Variants in RTKN2 observed in about 807,000 individuals in gnomAD.
RTKN2 encodes rhotekin-2.
RTKN2 carries 69 observed loss-of-function variants against 71.5 expected under a neutral mutation model. That is an observed-to-expected ratio of 0.96 (90% confidence interval 0.79 to 1.18). The LOEUF (loss-of-function observed/expected upper bound fraction) is 1.18, where lower values mean the gene tolerates loss of function less well. Ranked by LOEUF, RTKN2 falls within the 50% of genes most tolerant of loss-of-function variation. RTKN2 has a pLI of 0.00. For missense variants in RTKN2, 724 were observed against 719.7 expected (o/e 1.01, Z -0.07); for synonymous variants, 236 against 236.5 (o/e 1.00, Z 0.02).
intron 10 of RTKN2, among the ~76,000 whole-genome samples, chr10:62,204,010 C>T (rs1016581892): frequency 9.9e-5 from 15 of 152,128 alleles, no homozygotes; most frequent in African/African-American, 2.4e-4. Context: ...AACAGAATTC[C>T]TAAAATGTCT....
rs776849661 is a variant in RTKN2, at chr10:62,195,051, A to G, written c.*2857T>C. The G allele has an allele frequency of 2.4e-5, 24 of 984,924 alleles. No individual in the cohort carries two copies. The highest frequency in any genetic ancestry group is 2.9e-5 in the Non-Finnish European group (24 of 829,452). The allele number at this position is 984,924 out of a possible 1,614,324, so 61.0% of individuals were successfully genotyped here. On this transcript the variant is annotated 3_prime_UTR_variant, in exon 12 of 12. Transcript: ENST00000373789. Reference sequence around the variant, plus strand: ...TAAAAATGCCTTCTTTGCCCTTGCAAGATATTAAAATACAAAAGTTACCAC... The same window carrying G: ...TAAAAATGCCTTCTTTGCCCTTGCAGGATATTAAAATACAAAAGTTACCAC...
chr10:62,197,835 A>G lies in RTKN2; in HGVS notation c.*73T>C. On this transcript the variant is annotated 3_prime_UTR_variant, in exon 12 of 12. Transcript: ENST00000373789. Reference sequence around the variant, plus strand: ...ACTATATTTACCTATATAATTACACATTATTCTATAATGCCTCTGAATTAA... The same window carrying G: ...ACTATATTTACCTATATAATTACACGTTATTCTATAATGCCTCTGAATTAA... 1.3e-6 allele frequency: 2 copies of G among 1,481,868 alleles called. No individual in the cohort carries two copies. The highest frequency in any genetic ancestry group is 1.4e-5 in the South Asian group (1 of 71,000). The allele number at this position is 1,481,868 out of a possible 1,614,324, so 91.8% of individuals were successfully genotyped here. A position where few individuals can be genotyped will look rare whatever the true frequency, so the allele number is the denominator to read the frequency against.
At chr10:62,255,826 A>G (rs12253102) in intron 2 of RTKN2, among the ~76,000 whole-genome samples, 315 of 152,346 alleles carry the variant, frequency 2.1e-3, no homozygotes, top group African/African-American at 7.2e-3. Context: ...TATTGCATCA[A>G]TTGGGAGCAT....
chr10:62,215,151 T>C (rs1251690921), intron 9 of RTKN2: 12 of 1,050,972 alleles, frequency 1.1e-5, no homozygotes, highest in Non-Finnish European at 1.5e-5. Flanking sequence ...TTCTATGGTA[T>C]AAAATATAAG....
chr10:62,238,034 A>G lies in RTKN2; in HGVS notation c.488+1614T>C, dbSNP rs916874354. The G allele has an allele frequency of 2.0e-5, 3 of 151,910 alleles. No individual in the cohort carries two copies. In the East Asian group the frequency reaches 5.8e-4, roughly 29 times the overall value. The allele number at this position is 151,910 out of a possible 1,614,324, so 9.4% of individuals were successfully genotyped here. On this transcript the variant is annotated intron_variant, in intron 5 of 11. Coordinates refer to ENST00000373789, the MANE Select transcript of RTKN2 (RefSeq NM_145307.4). ...AAGACTGCAAAAGAGGTCCATCAGC[A>G]GCAGATGTTACTTGCAGATGGAAGA...
downstream of RTKN2, among the ~76,000 whole-genome samples, chr10:62,189,812 GA>G (rs1383895600): frequency 7.9e-5 from 12 of 151,216 alleles, no homozygotes; most frequent in Admixed American, 4.6e-4. Flanking sequence ...CTGGGCAACA[GA>G]GATTTTTTTT....
rs3125734 is a variant in RTKN2, at chr10:62,198,353, T to G, written c.1385A>C (p.His462Pro). 2.5e-6 allele frequency: 4 copies of G among 1,612,866 alleles called. No individual in the cohort carries two copies. The highest frequency in any genetic ancestry group is 1.7e-5 in the Admixed American group (1 of 59,852). Residue 462 changes from histidine to proline, a missense_variant, in exon 12 of 12, where the codon CAT becomes CCT. By Grantham distance (77) the His-to-Pro change is moderately conservative. Transcript: ENST00000373789. ...ETNGQFLIGQ[H>P]EESLPPPWAT... is the part of the protein sequence containing the mutation. The stretch of plus-strand genomic sequence containing the variant: ...CCAAGGAGGTGGTAAGGATTCTTCA[T>G]GCTGACCAATAAGGAACTGCCCATT...
At chr10:62,256,704 C>G (rs6479797) in intron 2 of RTKN2, among the ~76,000 whole-genome samples, 113,492 of 150,744 alleles carry the variant, frequency 0.75, 42,599 homozygotes, top group East Asian at 0.89. Flanking sequence ...GTGTGTGTGT[C>G]TGTGTGTGTA....
At chr10:62,203,181 A>AAAATAT (rs1228369649) in intron 10 of RTKN2, among the ~76,000 whole-genome samples, 4 of 152,132 alleles carry the variant, frequency 2.6e-5, no homozygotes, top group Non-Finnish European at 4.4e-5. Flanking sequence ...AATAAAAATA[A>AAAATAT]AACAAATAAA....
At chr10:62,242,311 C>T (rs978928849) in intron 3 of RTKN2, among the ~76,000 whole-genome samples, 8 of 151,998 alleles carry the variant, frequency 5.3e-5, no homozygotes, top group African/African-American at 1.7e-4. Context: ...TATTAGTATT[C>T]CATTATCCAA....
rs1841299183 is a variant in RTKN2 at position 62,195,231 on chromosome 10, C to A, written c.*2677G>T. The stretch of plus-strand genomic sequence containing the variant: ...TATTCTGTTTCCCCAATTATATTAT[C>A]AAGAGCTGACAGCTAACTCTTTGTT... On this transcript the variant is annotated 3_prime_UTR_variant, in exon 12 of 12. Coordinates refer to ENST00000373789, the MANE Select transcript of RTKN2 (RefSeq NM_145307.4). 3 of 979,254 alleles carry A rather than the reference C, an allele frequency of 3.1e-6. No homozygotes were observed. Among genetic ancestry groups the A allele is most frequent in the South Asian group, 9.5e-5 (2 of 21,118 alleles). 60.7% of individuals were successfully genotyped at this position (979,254 alleles called of 1,614,324 possible). A position where few individuals can be genotyped will look rare whatever the true frequency, so the allele number is the denominator to read the frequency against.
At chr10:62,254,638 T>C (rs1206963549) in intron 2 of RTKN2, among the ~76,000 whole-genome samples, 3 of 152,040 alleles carry the variant, frequency 2.0e-5, no homozygotes, top group Non-Finnish European at 4.4e-5. Context: ...AATTGTGTCA[T>C]AAAGAAATAA....
At chr10:62,228,117 A>G (rs1003392177) in intron 6 of RTKN2, among the ~76,000 whole-genome samples, 11 of 152,198 alleles carry the variant, frequency 7.2e-5, no homozygotes, top group African/African-American at 2.7e-4. Flanking sequence ...TTAGAAGAGA[A>G]ATAGGTATTG....
chr10:62,194,166 C>A lies in RTKN2; in HGVS notation c.*3742G>T, dbSNP rs1266056809. 1.0e-6 allele frequency: 1 copy of A among 979,406 alleles called. No homozygotes were observed. The highest frequency in any genetic ancestry group is 1.8e-5 in the African/African-American group (1 of 57,104). The allele number at this position is 979,406 out of a possible 1,614,324, so 60.7% of individuals were successfully genotyped here. A position where few individuals can be genotyped will look rare whatever the true frequency, so the allele number is the denominator to read the frequency against. The stretch of plus-strand genomic sequence containing the variant: ...AAAATTATAAACAAAGCCAATTACA[C>A]AAGCATGTCAGAAAATCAACACACC... On this transcript the variant is annotated 3_prime_UTR_variant, in exon 12 of 12. Coordinates refer to ENST00000373789, the MANE Select transcript of RTKN2 (RefSeq NM_145307.4).
At position 62,193,226 on chromosome 10, in the gene RTKN2, C is replaced by G; in HGVS notation, c.*4682G>C. On this transcript the variant is annotated 3_prime_UTR_variant, in exon 12 of 12. Transcript: ENST00000373789. Reference sequence around the variant, plus strand: ...TCAACAAAACAATTTATTTTGATATCTTGAACCATCTGACATAATTATGTA... The same window carrying G: ...TCAACAAAACAATTTATTTTGATATGTTGAACCATCTGACATAATTATGTA... The G allele has an allele frequency of 1.1e-6, 1 of 914,748 alleles. No homozygotes were observed. The highest frequency in any genetic ancestry group is 5.0e-5 in the South Asian group (1 of 19,808). The allele number at this position is 914,748 out of a possible 1,614,324, so 56.7% of individuals were successfully genotyped here.
chr10:62,204,359 T>C (rs145301637), intron 10 of RTKN2, among the ~76,000 whole-genome samples: 301 of 152,306 alleles, frequency 2.0e-3, no homozygotes, highest in Admixed American at 9.8e-3. Flanking sequence ...GACTGTATTA[T>C]TGAGATGAGA....
rs1207950039 is a variant in RTKN2, at chr10:62,195,458, T to A, written c.*2450A>T. ...CTTAACTATTTTTAGATTTTTTTTT[T>A]AAACTGTAAAGGAAGGGAGGAAGGA... On this transcript the variant is annotated 3_prime_UTR_variant, in exon 12 of 12. Transcript: ENST00000373789. 5 of 967,690 alleles carry A rather than the reference T, an allele frequency of 5.2e-6. No homozygotes were observed. Among genetic ancestry groups the A allele is most frequent in the African/African-American group, 3.5e-5 (2 of 56,668 alleles). 59.9% of individuals were successfully genotyped at this position (967,690 alleles called of 1,614,324 possible).
At chr10:62,215,825 C>G (rs2132877016) in intron 9 of RTKN2, among the ~76,000 whole-genome samples, 1 of 151,900 alleles carries the variant, frequency 6.6e-6, no homozygotes, top group East Asian at 1.9e-4. Context: ...ACAGGAAATA[C>G]AACACTGCAT....
At position 62,196,586 on chromosome 10, in the gene RTKN2, G is replaced by C. The variant is rs947815439; in HGVS notation, c.*1322C>G. The C allele has an allele frequency of 7.1e-6, 7 of 985,028 alleles. No homozygotes were observed. In the African/African-American group the frequency reaches 1.2e-4, roughly 17 times the overall value. 61.0% of individuals were successfully genotyped at this position (985,028 alleles called of 1,614,324 possible). A position where few individuals can be genotyped will look rare whatever the true frequency, so the allele number is the denominator to read the frequency against. ...TTTTGTTTTGTAATAATGTAGTTCT[G>C]ATCCAAATAGAGTTCTTGCTAGCTT... On this transcript the variant is annotated 3_prime_UTR_variant, in exon 12 of 12. Coordinates refer to ENST00000373789, the MANE Select transcript of RTKN2 (RefSeq NM_145307.4).
Sources: allele counts gnomAD v4.1 joint callset (sites outside exome capture counted in the v4.1 genomes callset), GRCh38; gene constraint gnomAD v4.1.1; transcripts MANE v1.5; gene names NCBI Gene and HGNC (gene_info 2026-07-23, HGNC 2026-07-21).